Variants in GRK4 observed in about 807,000 individuals in gnomAD.
GRK4 encodes the protein G protein-coupled receptor kinase 4.
A neutral mutation model predicts 77.9 loss-of-function variants in GRK4; 73 were observed. The ratio of observed to expected loss-of-function variants is 0.94; its 90% CI spans 0.78 to 1.14. GRK4 has a LOEUF of 1.14. Among genes scored for constraint, GRK4 ranks in the 50% most tolerant of loss-of-function variants. GRK4 has a pLI of 0.00. For synonymous variants in GRK4, 257 were observed against 254.4 expected (o/e 1.01, Z -0.10); for missense variants, 729 against 700.2 (o/e 1.04, Z -0.46).
chr4:2,964,658 G>A (rs534267552), intron 1 of GRK4, among the ~76,000 whole-genome samples: 49 of 152,330 alleles, frequency 3.2e-4, no homozygotes, highest in African/African-American at 1.1e-3. Context: ...GCTTTAGCAC[G>A]ACGTGGTCAC....
chr4:3,040,545 G>A, intron 15 of GRK4, 27 bp from the exon 16 acceptor site: 1 of 1,598,632 alleles, frequency 6.3e-7, no homozygotes, highest in Non-Finnish European at 8.5e-7. Flanking sequence ...TCAGCCGTGT[G>A]CCTGAGGCCG....
chr4:3,013,469 T>C (rs1733506273), intron 7 of GRK4, among the ~76,000 whole-genome samples: 1 of 152,176 alleles, frequency 6.6e-6, no homozygotes, highest in African/African-American at 2.4e-5. Flanking sequence ...TGCCAACTAG[T>C]TCCATTTGTA....
At chr4:3,014,803 AAGAG>A (rs1235115386) in intron 8 of GRK4, among the ~76,000 whole-genome samples, 1 of 152,048 alleles carries the variant, frequency 6.6e-6, no homozygotes, top group Non-Finnish European at 1.5e-5. Context: ...TTTCAAAAAA[AAGAG>A]AGAGAGATGA....
chr4:2,973,641 C>T (rs919773120), intron 1 of GRK4, among the ~76,000 whole-genome samples: 3 of 152,196 alleles, frequency 2.0e-5, no homozygotes, highest in Non-Finnish European at 4.4e-5. Flanking sequence ...CAACTCAAAA[C>T]GCAGCAGATT....
chr4:3,010,409 T>C (rs559738369), intron 7 of GRK4, among the ~76,000 whole-genome samples: 2 of 152,198 alleles, frequency 1.3e-5, no homozygotes, highest in South Asian at 4.2e-4. Context: ...GTATTTTTAG[T>C]AGAGAGGGGG....
rs185957548 is a variant in GRK4, at chr4:3,038,463, C to G, written c.1633C>G (p.Pro545Ala). 1 of 1,614,124 alleles carries G rather than the reference C, an allele frequency of 6.2e-7. No individual in the cohort carries two copies. The highest frequency in any genetic ancestry group is 1.3e-5 in the African/African-American group (1 of 75,046). The stretch of plus-strand genomic sequence containing the variant: ...AGATCTAGACAAGAACATACATACC[C>G]CGGTTTCCAGACCAAACAGAGGCTT... ...PLDLDKNIHT[P>A]VSRPNRGFFY... The change falls in exon 15 of 16, where the codon CCG (proline) becomes GCG (alanine). Residue 545 changes from proline to alanine, a missense_variant. Coordinates refer to ENST00000398052, the MANE Select transcript of GRK4 (RefSeq NM_182982.3).
intron 1 of GRK4, among the ~76,000 whole-genome samples, chr4:2,974,016 T>G (rs1210139526): frequency 6.6e-6 from 1 of 152,086 alleles, no homozygotes; most frequent in Non-Finnish European, 1.5e-5. Flanking sequence ...CTTCCCTCAT[T>G]CACTCTTTTT....
At position 3,029,361 on chromosome 4, in the gene GRK4, G is replaced by C. The variant is rs1380220295; in HGVS notation, c.1221G>C (p.Glu407Asp). Residue 407 changes from glutamate to aspartate, a missense_variant, in exon 12 of 16, where the codon GAG becomes GAC. Physicochemically the swap from Glu to Asp is conservative, Grantham distance 45 (BLOSUM62 2). Coordinates refer to ENST00000398052, the MANE Select transcript of GRK4 (RefSeq NM_182982.3). The stretch of plus-strand genomic sequence containing the variant: ...ATCAAAGAATCAAGAATGATACCGA[G>C]GAGTATTCTGAGAAGTTTTCAGAGG... Reference protein sequence around the residue: ...EVDQRIKNDTEEYSEKFSEDA... With the variant: ...EVDQRIKNDTDEYSEKFSEDA... 1 of 1,614,072 alleles carries C rather than the reference G, an allele frequency of 6.2e-7. No individual in the cohort carries two copies. Among genetic ancestry groups the C allele is most frequent in the Admixed American group, 1.7e-5 (1 of 60,002 alleles).
chr4:3,001,326 TACACACACACACAC>T (rs771757282), intron 4 of GRK4, among the ~76,000 whole-genome samples: 8 of 115,200 alleles, frequency 6.9e-5, no homozygotes, highest in South Asian at 2.5e-4. Flanking sequence ...TGAGTACATA[TACACACACACACAC>T]ACACACACAC....
intron 1 of GRK4, among the ~76,000 whole-genome samples, chr4:2,980,184 C>T (rs1390806038): frequency 6.6e-6 from 1 of 152,158 alleles, no homozygotes; most frequent in Non-Finnish European, 1.5e-5. Context: ...CAGCAGATGT[C>T]TTCTCAATAA....
intron 6 of GRK4, among the ~76,000 whole-genome samples, chr4:3,008,619 A>G (rs1033841784): frequency 2.0e-5 from 3 of 152,072 alleles, no homozygotes; most frequent in African/African-American, 4.8e-5. Context: ...CCTGGCCAAA[A>G]TGGTGAAACC....
intron 14 of GRK4, among the ~76,000 whole-genome samples, chr4:3,037,728 A>G (rs1741179881): frequency 1.3e-5 from 2 of 152,140 alleles, no homozygotes; most frequent in Admixed American, 1.3e-4. Context: ...CAGCCTGGCC[A>G]ACATAGTGAA....
chr4:2,979,825 G>C (rs1023793653), intron 1 of GRK4, among the ~76,000 whole-genome samples: 1 of 152,224 alleles, frequency 6.6e-6, no homozygotes, highest in African/African-American at 2.4e-5. Flanking sequence ...GCTGCAGTGA[G>C]ACTTGCATTC....
intron 1 of GRK4, among the ~76,000 whole-genome samples, chr4:2,964,641 C>CA (rs2109341541): frequency 6.6e-6 from 1 of 152,294 alleles, no homozygotes; most frequent in African/African-American, 2.4e-5. Flanking sequence ...TATGGTGTGT[C>CA]AAGTGTGCTT....
chr4:2,968,882 A>G (rs1718589231), intron 1 of GRK4, among the ~76,000 whole-genome samples: 1 of 152,146 alleles, frequency 6.6e-6, no homozygotes, highest in South Asian at 2.1e-4. Context: ...CATGAATTTC[A>G]TGATTCTTAT....
At chr4:3,013,262 G>C (rs1048763549) in intron 7 of GRK4, among the ~76,000 whole-genome samples, 3 of 151,932 alleles carry the variant, frequency 2.0e-5, no homozygotes, top group Admixed American at 1.3e-4. Flanking sequence ...ATGTTGGCCA[G>C]GTTGGTTTCG....
chr4:2,980,401 T>C (rs922432340), intron 1 of GRK4, among the ~76,000 whole-genome samples: 3 of 152,004 alleles, frequency 2.0e-5, no homozygotes, highest in Admixed American at 6.6e-5. Flanking sequence ...TCTGTCGATG[T>C]AGGAAACATA....
At position 3,009,667 on chromosome 4, in the gene GRK4, A is replaced by G; in HGVS notation, c.556A>G (p.Thr186Ala). ...GATTAGGCAACCCGTAACAAAGAAC[A>G]CATTTAGACATTACAGAGTTCTAGG... The part of the protein sequence containing the change: ...WLERQPVTKN[T>A]FRHYRVLGKG... The change falls in exon 7 of 16, where the codon ACA becomes GCA. Residue 186 changes from threonine to alanine, a missense_variant. Coordinates refer to ENST00000398052, the MANE Select transcript of GRK4 (RefSeq NM_182982.3). 1 of 1,613,730 alleles carries G rather than the reference A, an allele frequency of 6.2e-7. No homozygotes were observed.
intron 3 of GRK4, among the ~76,000 whole-genome samples, chr4:2,990,967 A>G (rs898079525): frequency 3.2e-4 from 48 of 152,068 alleles, no homozygotes; most frequent in Admixed American, 7.2e-4. Flanking sequence ...TGTCTTATTC[A>G]TTTCCCCCTC....
Sources: gnomAD v4.1 joint callset for allele counts (sites outside exome capture counted in the v4.1 genomes callset) on GRCh38, gnomAD v4.1.1 for gene constraint, MANE v1.5 for transcripts, NCBI Gene and HGNC (gene_info 2026-07-23, HGNC 2026-07-21) for gene names.